Variants in MFSD12 observed in about 807,000 individuals in gnomAD.
MFSD12 encodes the protein major facilitator superfamily domain containing 12, also known as major facilitator superfamily domain-containing protein 12.
MFSD12 carries 67 observed loss-of-function variants against 51.2 expected under a neutral mutation model. That is an observed-to-expected ratio of 1.31 (90% CI 1.08 to 1.60). The LOEUF is 1.60. MFSD12 is among the 40% of genes most tolerant of loss of function. MFSD12 has a pLI of 0.00. For synonymous variants in MFSD12, 441 were observed against 316.7 expected, an observed-to-expected ratio of 1.39 and a Z score of -4.17; for missense variants, 921 against 673.0, an observed-to-expected ratio of 1.37 and a Z score of -4.08.
In MFSD12 at chr19:3,547,461, CAGGTGGAGCGAGT is replaced by C; in HGVS notation, c.911_923del (p.Tyr304CysfsTer12). 6.2e-7 allele frequency: 1 copy of C among 1,612,990 alleles called. No homozygotes were observed. Among genetic ancestry groups the C allele is most frequent in the Non-Finnish European group, 8.5e-7 (1 of 1,179,874 alleles). The stretch of plus-strand genomic sequence containing the variant: ...CCCGCCCCAATCTGCTCACCTTGGG[CAGGTGGAGCGAGT>C]AGGTGAGGTACATGGCCATGTAGGT... On this transcript the variant is annotated frameshift_variant, in exon 5 of 10. Coordinates refer to ENST00000355415, the MANE Select transcript of MFSD12 (RefSeq NM_174983.5). LOFTEE classifies it high-confidence loss of function.
At position 3,551,653 on chromosome 19, in the gene MFSD12, G is replaced by A. The variant is rs2031483270; in HGVS notation, c.299-459C>T. 6.6e-6 allele frequency among the ~76,000 whole-genome samples: 1 copy of A among 152,164 alleles called. No individual in the cohort carries two copies. The highest frequency in any genetic ancestry group is 6.5e-5 in the Admixed American group (1 of 15,284). ...GAATGCTGGGGCGTCCTGGCCTCCA[G>A]GGACAGTCAGGAAATAGCACCCGCC... On this transcript the variant is annotated intron_variant, in intron 1 of 9. Transcript: ENST00000355415. This position sits in a 1 kb window ranked among gnomAD's most constrained non-coding sequence, Gnocchi z 4.6.
chr19:3,548,193 G>A lies in MFSD12; in HGVS notation c.584C>T (p.Ser195Leu), dbSNP rs755583129. 54 of 1,573,958 alleles carry A rather than the reference G, an allele frequency of 3.4e-5. No homozygotes were observed. Among genetic ancestry groups the A allele is most frequent in the Non-Finnish European group, 4.4e-5 (51 of 1,161,386 alleles). ...AWLLLHLQGS[S>L]RVEPTQDISI... ...GATGTCTTGGGTGGGCTCCACCCGCGACGAGCCCTGCAGGTGCAGCAGGAG... is the reference window on the plus strand; with the variant it reads ...GATGTCTTGGGTGGGCTCCACCCGCAACGAGCCCTGCAGGTGCAGCAGGAG... Residue 195 changes from serine (S) to leucine (L), a missense_variant, in exon 3 of 10, where the codon TCG (serine) becomes TTG (leucine). By Grantham distance (145) the Ser-to-Leu change is moderately radical. Transcript: ENST00000355415.
At position 3,557,396 on chromosome 19, in the gene MFSD12, G is replaced by T. The variant is rs764443508; in HGVS notation, c.8C>A (p.Pro3Gln). 2.1e-5 allele frequency: 26 copies of T among 1,266,406 alleles called. No individual in the cohort carries two copies. Among genetic ancestry groups the T allele is most frequent in the Non-Finnish European group, 2.6e-5 (26 of 1,004,382 alleles). 78.4% of individuals were successfully genotyped at this position (1,266,406 alleles called of 1,614,324 possible). A position where few individuals can be genotyped will look rare whatever the true frequency, so the allele number is the denominator to read the frequency against. Residue 3 changes from proline (P) to glutamine (Q), a missense_variant, in exon 1 of 10, where the codon CCG (proline) becomes CAG (glutamine). By Grantham distance (76) the Pro-to-Gln change is moderately conservative. Coordinates refer to ENST00000355415, the MANE Select transcript of MFSD12 (RefSeq NM_174983.5). Reference protein sequence around the residue: MGPGPPAAGAAPS... With the variant: MGQGPPAAGAAPS... ...CGCCGCTCCGGCCGCTGGGGGTCCC[G>T]GGCCCATCGCGGCGCCGGGCCCGCG... is the stretch of plus-strand genomic sequence containing the variant.
chr19:3,543,086 G>A, downstream of MFSD12: 2 of 1,567,798 alleles, frequency 1.3e-6, no homozygotes, highest in East Asian at 2.3e-5. Context: ...GAGGGGTACA[G>A]GGCTGAAGGA....
chr19:3,545,941 T>C (rs564997083), intron 8 of MFSD12, 133 bp downstream of exon 8: 114 of 867,548 alleles, frequency 1.3e-4, no homozygotes, highest in Non-Finnish European at 1.9e-4. Context: ...CTCCCCTGCC[T>C]ATGACTCCCA....
chr19:3,557,576 C>T lies in MFSD12; in HGVS notation c.-173G>A, dbSNP rs1045105123. On this transcript the variant is annotated 5_prime_UTR_variant, in exon 1 of 10. Coordinates refer to ENST00000355415, the MANE Select transcript of MFSD12 (RefSeq NM_174983.5). Reference sequence around the variant, plus strand: ...CCACGTCCGCCGCGTCCGCCCCACGCTCGACTCTGCAGCCGCCGGGCCCCA... The same window carrying T: ...CCACGTCCGCCGCGTCCGCCCCACGTTCGACTCTGCAGCCGCCGGGCCCCA... The T allele has an allele frequency of 6.0e-5, 16 of 266,962 alleles. No homozygotes were observed. The highest frequency in any genetic ancestry group is 7.7e-5 in the Non-Finnish European group (12 of 155,410). The allele number at this position is 266,962 out of a possible 1,614,324, so 16.5% of individuals were successfully genotyped here.
At chr19:3,543,710 GAGGCCAGGGGGACAAGGCCACCT>G (rs1039850834), downstream of MFSD12, 10 of 1,503,298 alleles carry the variant, frequency 6.7e-6, no homozygotes, top group South Asian at 3.9e-5. Flanking sequence ...GGGTCCTTGG[GAGGCCAGGGGGACAAGGCCACCT>G]AGGCCAGGGT....
chr19:3,552,066 C>T (rs10410627), intron 1 of MFSD12, among the ~76,000 whole-genome samples: 7,373 of 152,284 alleles, frequency 0.048, 444 homozygotes, highest in African/African-American at 0.15. Flanking sequence ...TCGGAGCACC[C>T]GGGAATTCTC....
downstream of MFSD12, chr19:3,543,046 G>A: frequency 6.2e-7 from 1 of 1,605,020 alleles, no homozygotes; most frequent in Non-Finnish European, 8.5e-7. Flanking sequence ...GGGGGAGTCA[G>A]CCTCTCTCCT....
chr19:3,556,342 G>A (rs1403041456), intron 1 of MFSD12, among the ~76,000 whole-genome samples: 1 of 152,212 alleles, frequency 6.6e-6, no homozygotes, highest in African/African-American at 2.4e-5. Context: ...TGGCCCGGGG[G>A]CTCAGACAAA....
At chr19:3,543,418 G>A, downstream of MFSD12, 1 of 1,547,086 alleles carries the variant, frequency 6.5e-7, no homozygotes, top group African/African-American at 1.4e-5. Flanking sequence ...CCTTCCGCGA[G>A]GCCTACAACC....
chr19:3,546,328 AGCACAGCC>A lies in MFSD12; in HGVS notation c.1113_1120del (p.Val373GlyfsTer38). The A allele has an allele frequency of 6.2e-7, 1 of 1,608,774 alleles. No homozygotes were observed. Among genetic ancestry groups the A allele is most frequent in the Non-Finnish European group, 8.5e-7 (1 of 1,178,414 alleles). On this transcript the variant is annotated frameshift_variant, in exon 7 of 10. Coordinates refer to ENST00000355415, the MANE Select transcript of MFSD12 (RefSeq NM_174983.5). LOFTEE classifies it high-confidence loss of function. ...GATGGTGGCACAGCCAGCACCCAGC[AGCACAGCC>A]GCTGCGTACACGGCCACACCCAGTC...
At chr19:3,549,540 C>CAT (rs2031337933) in intron 2 of MFSD12, among the ~76,000 whole-genome samples, 2 of 148,782 alleles carry the variant, frequency 1.3e-5, no homozygotes, top group Admixed American at 6.7e-5. Context: ...CTGGCCAAGA[C>CAT]GGTGAAATCC....
chr19:3,544,553 T>C lies in MFSD12; in HGVS notation c.*157A>G, dbSNP rs1368289735. The stretch of plus-strand genomic sequence containing the variant: ...GCAAGTCCCTGGCGGGCATCCCTGC[T>C]GCCCTCACCCGACCCCACCCCCGGG... On this transcript the variant is annotated 3_prime_UTR_variant, in exon 10 of 10. Transcript: ENST00000355415. The C allele has an allele frequency of 1.7e-5, 24 of 1,431,570 alleles. No individual in the cohort carries two copies. Among genetic ancestry groups the C allele is most frequent in the South Asian group, 3.0e-5 (2 of 65,826 alleles). 88.7% of individuals were successfully genotyped at this position (1,431,570 alleles called of 1,614,324 possible).
At chr19:3,553,337 G>A (rs946098808) in intron 1 of MFSD12, among the ~76,000 whole-genome samples, 3 of 152,062 alleles carry the variant, frequency 2.0e-5, no homozygotes, top group Non-Finnish European at 2.9e-5. Context: ...GCCAGGAGTG[G>A]TGGATCATGT....
At position 3,544,334 on chromosome 19, in the gene MFSD12, G is replaced by A. The variant is rs917691687; in HGVS notation, c.*376C>T. Reference sequence around the variant, plus strand: ...TCCAGGCTCCAGCCGTCCTGAGGGGGCCCTGGCAGTGTCTGGAGACCCCCA... The same window carrying A: ...TCCAGGCTCCAGCCGTCCTGAGGGGACCCTGGCAGTGTCTGGAGACCCCCA... On this transcript the variant is annotated 3_prime_UTR_variant, in exon 10 of 10. Coordinates refer to ENST00000355415, the MANE Select transcript of MFSD12 (RefSeq NM_174983.5). The A allele has an allele frequency of 2.8e-4, 362 of 1,273,058 alleles. 3 individuals carry two copies. The highest frequency in any genetic ancestry group is 3.4e-4 in the Non-Finnish European group (347 of 1,009,382). The allele number at this position is 1,273,058 out of a possible 1,614,324, so 78.9% of individuals were successfully genotyped here. A position where few individuals can be genotyped will look rare whatever the true frequency, so the allele number is the denominator to read the frequency against.
At position 3,547,883 on chromosome 19, in the gene MFSD12, A is replaced by C; in HGVS notation, c.802T>G (p.Trp268Gly). 6.5e-7 allele frequency: 1 copy of C among 1,546,832 alleles called. No individual in the cohort carries two copies. The highest frequency in any genetic ancestry group is 2.4e-5 in the Admixed American group (1 of 42,394). ...GCCGGCTCCCGGAGCCAGTGCTTCC[A>C]GAGCAGCAGGGGCTGGGCCGTGGCA... ...APATAQPLLL[W>G]KHWLREPAFY... Residue 268 changes from tryptophan (W) to glycine (G), a missense_variant, in exon 4 of 10, where the codon TGG (tryptophan) becomes GGG (glycine). By Grantham distance (184) the Trp-to-Gly change is radical. Coordinates refer to ENST00000355415, the MANE Select transcript of MFSD12 (RefSeq NM_174983.5).
downstream of MFSD12, chr19:3,543,132 C>A: frequency 1.3e-6 from 2 of 1,511,774 alleles, no homozygotes; most frequent in Non-Finnish European, 1.8e-6. Context: ...GACCCCACGC[C>A]GTGGGCCAGG....
chr19:3,541,811 C>CTGTTTT, downstream of MFSD12: 1 of 984,154 alleles, frequency 1.0e-6, no homozygotes, highest in Non-Finnish European at 1.2e-6. Flanking sequence ...TTATTCTGTG[C>CTGTTTT]TGTTTTGTTT....
Sources: gnomAD v4.1 joint callset for allele counts (sites outside exome capture counted in the v4.1 genomes callset) on GRCh38, gnomAD v4.1.1 for gene constraint, Gnocchi (gnomAD v3.1) non-coding constraint, MANE v1.5 for transcripts, NCBI Gene and HGNC (gene_info 2026-07-23, HGNC 2026-07-21) for gene names.